The following PDE7B variants were observed in gnomAD, a reference collection of about 807,000 sequenced individuals.
PDE7B encodes the protein 3',5'-cyclic-AMP phosphodiesterase 7B.
A neutral mutation model predicts 56.2 loss-of-function variants in PDE7B; 29 were observed. That is an observed-to-expected ratio of 0.52 (90% CI 0.38 to 0.70). PDE7B has a LOEUF of 0.70. PDE7B is among the 30% of genes least tolerant of loss of function. The pLI is 0.00. For missense variants in PDE7B, 490 were observed against 565.0 expected, an observed-to-expected ratio of 0.87 and a Z score of 1.35; for synonymous variants, 197 against 196.9, an observed-to-expected ratio of 1.00 and a Z score of 0.00.
intron 2 of PDE7B, among the ~76,000 whole-genome samples, chr6:136,073,315 G>A (rs1777079437): frequency 6.6e-6 from 1 of 152,162 alleles, no homozygotes; most frequent in Non-Finnish European, 1.5e-5. Context: ...GAACATGATT[G>A]GGTTAATTAA....
At chr6:135,869,772 C>T (rs1775338348) in intron 1 of PDE7B, among the ~76,000 whole-genome samples, 1 of 152,042 alleles carries the variant, frequency 6.6e-6, no homozygotes, top group East Asian at 1.9e-4. Context: ...AAAGAGACAG[C>T]CAAACCTGGA....
intron 2 of PDE7B, chr6:136,034,072 GT>G (rs904072872): frequency 1.3e-5 from 2 of 152,088 alleles, no homozygotes; most frequent in Non-Finnish European, 2.9e-5. Context: ...TAAACTTTTT[GT>G]TTTGTAAGAA....
At chr6:135,994,049 A>C (rs1334983783) in intron 2 of PDE7B, among the ~76,000 whole-genome samples, 1 of 151,464 alleles carries the variant, frequency 6.6e-6, no homozygotes, top group Non-Finnish European at 1.5e-5. Context: ...CCTTCCTTTA[A>C]TCTCCTGCAG....
chr6:135,869,018 T>G (rs955046282), intron 1 of PDE7B, among the ~76,000 whole-genome samples: 5 of 152,176 alleles, frequency 3.3e-5, no homozygotes, highest in African/African-American at 1.2e-4. Context: ...ATGATCATCT[T>G]TTGGCCAAAA....
intron 2 of PDE7B, among the ~76,000 whole-genome samples, chr6:136,099,022 A>T (rs1440023218): frequency 2.7e-5 from 4 of 148,132 alleles, no homozygotes; most frequent in Admixed American, 2.1e-4. Context: ...GAGAACATGC[A>T]GTGTATGGTT....
At chr6:136,191,026 T>TTTTTTTTTTTTTC (rs1779214797) in intron 12 of PDE7B, among the ~76,000 whole-genome samples, 1 of 148,184 alleles carries the variant, frequency 6.7e-6, no homozygotes, top group African/African-American at 2.6e-5. Context: ...TTTTTTTTTT[T>TTTTTTTTTTTTTC]TTTTTTTTTT....
chr6:136,057,510 T>C (rs993989257), intron 2 of PDE7B, among the ~76,000 whole-genome samples: 16 of 152,090 alleles, frequency 1.1e-4, no homozygotes, highest in Middle Eastern at 3.4e-3. Context: ...AGTTTAAAAT[T>C]TGGTTGTGTC....
intron 3 of PDE7B, among the ~76,000 whole-genome samples, chr6:136,132,009 T>C (rs1286245508): frequency 6.6e-6 from 1 of 152,324 alleles, no homozygotes; most frequent in Non-Finnish European, 1.5e-5. Context: ...TGTCCTCTTA[T>C]TGGTTTTGTT....
intron 1 of PDE7B, among the ~76,000 whole-genome samples, chr6:135,856,142 A>G (rs544623365): frequency 1.0e-3 from 156 of 152,250 alleles, no homozygotes; most frequent in African/African-American, 3.7e-3. Flanking sequence ...TACCTCCAAG[A>G]TAATCTCATT....
intron 12 of PDE7B, among the ~76,000 whole-genome samples, chr6:136,187,521 C>T (rs1239301280): frequency 2.0e-5 from 3 of 152,110 alleles, no homozygotes; most frequent in Admixed American, 6.5e-5. Context: ...CCCTAATGCT[C>T]GCTCCCAAGA....
chr6:136,073,734 A>G (rs976802045), intron 2 of PDE7B, among the ~76,000 whole-genome samples: 1 of 152,212 alleles, frequency 6.6e-6, no homozygotes, highest in Non-Finnish European at 1.5e-5. Context: ...ACTCTAGCCC[A>G]TAACAGCATT....
chr6:136,065,761 G>A (rs1776923988), intron 2 of PDE7B, among the ~76,000 whole-genome samples: 1 of 152,092 alleles, frequency 6.6e-6, no homozygotes, highest in South Asian at 2.1e-4. Flanking sequence ...AAATAGTTTA[G>A]TTTATTCTGG....
intron 4 of PDE7B, among the ~76,000 whole-genome samples, chr6:136,148,387 G>GAAGGA (rs1005273584): frequency 1.6e-5 from 2 of 126,116 alleles, no homozygotes; most frequent in African/African-American, 6.2e-5. Flanking sequence ...AGAAAAGAAA[G>GAAGGA]AAGGAAAGGA....
At position 136,082,921 on chromosome 6, in the gene PDE7B, C is replaced by T. The variant is rs185158160; in HGVS notation, c.83-25810C>T. 2.7e-3 allele frequency among the ~76,000 whole-genome samples: 418 copies of T among 152,286 alleles called. 2 individuals are homozygous for T. The highest frequency in any genetic ancestry group is 9.7e-3 in the African/African-American group (402 of 41,564). On this transcript the variant is annotated intron_variant, in intron 2 of 12. Transcript: ENST00000308191. ...ATAGTTGAAATTAACTCCCAGATGT[C>T]CACCTCTTTTGACCAGGAAAAGGAT...
intron 3 of PDE7B, among the ~76,000 whole-genome samples, chr6:136,110,130 T>A (rs1226912129): frequency 5.3e-5 from 8 of 152,148 alleles, no homozygotes; most frequent in Non-Finnish European, 2.9e-5. Context: ...TTTAGCACTT[T>A]CAGGGACACA....
Position 136,173,841 on chromosome 6 carries a change from C to A in PDE7B, c.756C>A (p.Gly252=), listed in dbSNP as rs759916340. The change falls in exon 9 of 13, where the codon GGC becomes GGA. Residue 252 remains glycine (G), a synonymous_variant. Transcript: ENST00000308191. Reference sequence around the variant, plus strand: ...ATCATCACTGGCGATCTACAATTGGCATGCTTCGAGAATCAAGGCTTCTTG... The same window carrying A: ...ATCATCACTGGCGATCTACAATTGGAATGCTTCGAGAATCAAGGCTTCTTG... The part of the protein sequence containing the change: ...LENHHWRSTI[G]MLRESRLLAH... The A allele has an allele frequency of 6.2e-7, 1 of 1,612,676 alleles. No individual in the cohort carries two copies. The highest frequency in any genetic ancestry group is 1.7e-5 in the Admixed American group (1 of 59,936).
rs1779281082 is a variant in PDE7B, at chr6:136,194,459, A to T, written c.*2619A>T. The T allele has an allele frequency of 6.6e-6, 1 of 152,222 alleles. No individual in the cohort carries two copies. Among genetic ancestry groups the T allele is most frequent in the African/African-American group, 2.4e-5 (1 of 41,464 alleles). 9.4% of individuals were successfully genotyped at this position (152,222 alleles called of 1,614,324 possible). On this transcript the variant is annotated 3_prime_UTR_variant, in exon 13 of 13. Transcript: ENST00000308191. Reference sequence around the variant, plus strand: ...TGAAGTAAAATGAGGCATAAACTTGATGCAGCTGCCTCCCTCATTCAACTG... The same window carrying T: ...TGAAGTAAAATGAGGCATAAACTTGTTGCAGCTGCCTCCCTCATTCAACTG...
intron 2 of PDE7B, among the ~76,000 whole-genome samples, chr6:136,012,048 G>T (rs933330589): frequency 3.3e-5 from 5 of 152,022 alleles, no homozygotes; most frequent in Non-Finnish European, 5.9e-5. Context: ...ATACAAAAAG[G>T]CTCCTGAACA....
intron 4 of PDE7B, among the ~76,000 whole-genome samples, chr6:136,148,768 G>A (rs536959099): frequency 1.3e-5 from 2 of 152,216 alleles, no homozygotes; most frequent in African/African-American, 4.8e-5. Context: ...AAGGACAGAG[G>A]GCTGGAAGTC....
Sources: gnomAD v4.1 joint callset for allele counts (sites outside exome capture counted in the v4.1 genomes callset) on GRCh38, gnomAD v4.1.1 for gene constraint, MANE v1.5 for transcripts, NCBI Gene and HGNC (gene_info 2026-07-23, HGNC 2026-07-21) for gene names.